The following PROSER2 variants were observed in gnomAD, a reference collection of about 807,000 sequenced individuals.
PROSER2 encodes proline and serine rich 2.
Under a neutral mutation model 14.6 loss-of-function variants are expected in PROSER2, and 18 were observed. That is an observed-to-expected ratio of 1.23 (90% CI 0.85 to 1.83). The LOEUF (loss-of-function observed/expected upper bound fraction) is 1.83, where lower values mean the gene tolerates loss of function less well. PROSER2 is among the 40% of genes most tolerant of loss of function. The pLI is 0.00. For synonymous variants in PROSER2, 367 were observed against 286.4 expected (o/e 1.28, Z -2.84); for missense variants, 823 against 629.8 (o/e 1.31, Z -3.28).
At chr10:11,835,835 G>A (rs1411991418) in intron 1 of PROSER2, among the ~76,000 whole-genome samples, 1 of 152,118 alleles carries the variant, frequency 6.6e-6, no homozygotes, top group Non-Finnish European at 1.5e-5. Context: ...TGGCTGTTTT[G>A]TGTTTACTGA....
intron 2 of PROSER2, among the ~76,000 whole-genome samples, chr10:11,860,702 G>C (rs936054473): frequency 6.6e-6 from 1 of 152,174 alleles, no homozygotes; most frequent in Admixed American, 6.5e-5. Flanking sequence ...CGTGAGCCGA[G>C]GAACTCTGGG....
At chr10:11,848,273 ATTC>A (rs1833955594) in intron 1 of PROSER2, among the ~76,000 whole-genome samples, 1 of 152,226 alleles carries the variant, frequency 6.6e-6, no homozygotes, top group South Asian at 2.1e-4. Flanking sequence ...GGTTCAAGCA[ATTC>A]TTCTGCCTCA....
chr10:11,833,546 C>G (rs1833716984), intron 1 of PROSER2, among the ~76,000 whole-genome samples: 1 of 151,970 alleles, frequency 6.6e-6, no homozygotes, highest in Non-Finnish European at 1.5e-5. Context: ...CAAAAATTAG[C>G]TGGGTGTGGT....
chr10:11,852,474 G>A (rs1006617730), intron 2 of PROSER2, among the ~76,000 whole-genome samples: 4 of 151,992 alleles, frequency 2.6e-5, no homozygotes, highest in African/African-American at 4.8e-5. Context: ...ATAGGACCAG[G>A]CCCGGGGCAG....
At chr10:11,825,122 G>A (rs181389400) in intron 1 of PROSER2, among the ~76,000 whole-genome samples, 1 of 152,198 alleles carries the variant, frequency 6.6e-6, no homozygotes, top group Non-Finnish European at 1.5e-5. Context: ...CACCCAAGGC[G>A]CCCAGAGTTG....
At chr10:11,846,403 T>C (rs957442165) in intron 1 of PROSER2, among the ~76,000 whole-genome samples, 1 of 152,188 alleles carries the variant, frequency 6.6e-6, no homozygotes, top group African/African-American at 2.4e-5. Context: ...TAACCTCTCA[T>C]TGGTTTTCAC....
chr10:11,849,319 A>G (rs1010091375), intron 1 of PROSER2, among the ~76,000 whole-genome samples: 1 of 152,178 alleles, frequency 6.6e-6, no homozygotes, highest in Admixed American at 6.5e-5. Flanking sequence ...AGTTGGTGCT[A>G]TGTGGCAGAA....
Position 11,836,477 on chromosome 10 carries a change from G to A in PROSER2, c.-82+13007G>A, listed in dbSNP as rs753862966. Among the ~76,000 whole-genome samples the A allele has an allele frequency of 3.0e-4, 46 of 152,294 alleles. No homozygotes were observed. The highest frequency in any genetic ancestry group is 5.6e-4 in the Non-Finnish European group (38 of 68,022). Reference sequence around the variant, plus strand: ...CTCCCAAAGTGCTGGGATTACAGGTGTGAGCCACCACGCCTGGCCAGGATG... The same window carrying A: ...CTCCCAAAGTGCTGGGATTACAGGTATGAGCCACCACGCCTGGCCAGGATG... On this transcript the variant is annotated intron_variant, in intron 1 of 3. Transcript: ENST00000277570. The surrounding 1 kb of genome is among the most constrained non-coding windows in gnomAD (Gnocchi z 4.6).
intron 1 of PROSER2, among the ~76,000 whole-genome samples, chr10:11,825,851 G>A (rs775169580): frequency 1.9e-4 from 29 of 152,204 alleles, no homozygotes; most frequent in Non-Finnish European, 3.5e-4. Context: ...ACTGTGAAGA[G>A]TTCATGCTGT....
chr10:11,871,385 C>T lies in PROSER2; in HGVS notation c.*979C>T, dbSNP rs1834486782. The T allele has an allele frequency of 6.6e-6, 1 of 152,182 alleles. No homozygotes were observed. The highest frequency in any genetic ancestry group is 1.5e-5 in the Non-Finnish European group (1 of 68,028). 9.4% of individuals were successfully genotyped at this position (152,182 alleles called of 1,614,324 possible). A position where few individuals can be genotyped will look rare whatever the true frequency, so the allele number is the denominator to read the frequency against. Reference sequence around the variant, plus strand: ...ATCCTCAACAAAATGTTCCTCTGTTCCCAGTTAAAGTAATATTCCCTGCTT... The same window carrying T: ...ATCCTCAACAAAATGTTCCTCTGTTTCCAGTTAAAGTAATATTCCCTGCTT... On this transcript the variant is annotated 3_prime_UTR_variant, in exon 4 of 4. Transcript: ENST00000277570.
At chr10:11,840,690 A>G (rs1162184073) in intron 1 of PROSER2, among the ~76,000 whole-genome samples, 2 of 151,808 alleles carry the variant, frequency 1.3e-5, no homozygotes, top group Non-Finnish European at 2.9e-5. Flanking sequence ...TTGGGAGGCC[A>G]GGGCAGGTGG....
intron 3 of PROSER2, among the ~76,000 whole-genome samples, chr10:11,868,298 C>T (rs916036643): frequency 6.6e-6 from 1 of 152,224 alleles, no homozygotes; most frequent in African/African-American, 2.4e-5. Flanking sequence ...TTTTCTGAGA[C>T]AGGAACTCTC....
Position 11,838,165 on chromosome 10 carries a change from T to G in PROSER2, c.-81-13832T>G, listed in dbSNP as rs959969394. Among the ~76,000 whole-genome samples the G allele has an allele frequency of 2.0e-5, 3 of 152,222 alleles. No individual in the cohort carries two copies. Among genetic ancestry groups the G allele is most frequent in the Middle Eastern group, 3.4e-3 (1 of 294 alleles). ...TGAGTGAGGCGGGCGGGTGTCTATTTTAGAACAATCAGGTCATGCCCCCGA... is the reference window on the plus strand; with the variant it reads ...TGAGTGAGGCGGGCGGGTGTCTATTGTAGAACAATCAGGTCATGCCCCCGA... On this transcript the variant is annotated intron_variant, in intron 1 of 3. Transcript: ENST00000277570. This position sits in a 1 kb window ranked among gnomAD's most constrained non-coding sequence, Gnocchi z 4.4.
rs180969000 is a variant in PROSER2, at chr10:11,852,858, G to A, written c.138+643G>A. On this transcript the variant is annotated intron_variant, in intron 2 of 3. Coordinates refer to ENST00000277570, the MANE Select transcript of PROSER2 (RefSeq NM_153256.4). ...TGGGATTATAGGCGTGAGCCACCGC[G>A]CCCGGCCACTCAAGCTGATGTTTCA... is the stretch of plus-strand genomic sequence containing the variant. Among the ~76,000 whole-genome samples the A allele has an allele frequency of 6.7e-3, 1,012 of 149,960 alleles. 13 individuals carry two copies. Among genetic ancestry groups the A allele is most frequent in the Admixed American group, 0.023 (342 of 14,904 alleles).
At chr10:11,860,025 C>T (rs759596374) in intron 2 of PROSER2, among the ~76,000 whole-genome samples, 37 of 152,188 alleles carry the variant, frequency 2.4e-4, no homozygotes, top group Non-Finnish European at 4.9e-4. Flanking sequence ...CCTTCCCCAC[C>T]GGCACTCTCT....
In PROSER2 at chr10:11,838,515, T is replaced by A. The variant is rs758607926; in HGVS notation, c.-81-13482T>A. Among the ~76,000 whole-genome samples, 11 of 152,168 alleles carry A rather than the reference T, an allele frequency of 7.2e-5. No homozygotes were observed. Among genetic ancestry groups the A allele is most frequent in the South Asian group, 6.2e-4 (3 of 4,826 alleles). On this transcript the variant is annotated intron_variant, in intron 1 of 3. Transcript: ENST00000277570. The surrounding 1 kb of genome is among the most constrained non-coding windows in gnomAD (Gnocchi z 4.4). ...TTTCCACATGTTCCTAGTAGACAGC[T>A]CCCCTGGAGTGAAGGCTGAGCAGTG...
intron 1 of PROSER2, among the ~76,000 whole-genome samples, chr10:11,846,325 T>A (rs550131781): frequency 6.6e-6 from 1 of 152,252 alleles, no homozygotes; most frequent in South Asian, 2.1e-4. Flanking sequence ...TCCTCCCCTC[T>A]GAGAAACTCC....
At chr10:11,824,547 A>G (rs151029457) in intron 1 of PROSER2, among the ~76,000 whole-genome samples, 2 of 152,298 alleles carry the variant, frequency 1.3e-5, no homozygotes, top group East Asian at 3.9e-4. Flanking sequence ...TGGAGGAGGT[A>G]TTTTCGTTCA....
At position 11,870,493 on chromosome 10, in the gene PROSER2, A is replaced by G. The variant is rs1834464364; in HGVS notation, c.*87A>G. ...GCTGCACCCAGGAGCTGTTTGGTCT[A>G]AAATGGAAGTGACAGCGGGAGCCCC... On this transcript the variant is annotated 3_prime_UTR_variant, in exon 4 of 4. Coordinates refer to ENST00000277570, the MANE Select transcript of PROSER2 (RefSeq NM_153256.4). The G allele has an allele frequency of 1.7e-6, 2 of 1,175,714 alleles. No homozygotes were observed. Among genetic ancestry groups the G allele is most frequent in the Non-Finnish European group, 1.1e-6 (1 of 882,584 alleles). 72.8% of individuals were successfully genotyped at this position (1,175,714 alleles called of 1,614,324 possible).
Sources: gnomAD v4.1 joint callset for allele counts (sites outside exome capture counted in the v4.1 genomes callset) on GRCh38, gnomAD v4.1.1 for gene constraint, Gnocchi (gnomAD v3.1) non-coding constraint, MANE v1.5 for transcripts, NCBI Gene and HGNC (gene_info 2026-07-23, HGNC 2026-07-21) for gene names.